Variants in ASAP2 observed in about 807,000 individuals in gnomAD.
ASAP2 encodes the protein arf-GAP with SH3 domain, ANK repeat and PH domain-containing protein 2.
Under a neutral mutation model 131.4 loss-of-function variants are expected in ASAP2, and 45 were observed. The observed-to-expected ratio is 0.34, with a 90% CI of 0.27 to 0.44. ASAP2 has a LOEUF of 0.44. Ranked by LOEUF, ASAP2 falls within the 20% of genes least tolerant of loss-of-function variation. The pLI is 1.00. For synonymous variants in ASAP2, 510 were observed against 503.0 expected (o/e 1.01, Z -0.19); for missense variants, 1,011 against 1,297.0 (o/e 0.78, Z 3.39).
chr2:9,388,752 G>A (rs551345431), intron 22 of ASAP2, among the ~76,000 whole-genome samples: 1 of 152,352 alleles, frequency 6.6e-6, no homozygotes, highest in South Asian at 2.1e-4. Flanking sequence ...ATTCTGGGCA[G>A]AGTTGTGGCA....
At position 9,293,548 on chromosome 2, in the gene ASAP2, G is replaced by A. The variant is rs570455817; in HGVS notation, c.200-3752G>A. On this transcript the variant is annotated intron_variant, in intron 2 of 27. Coordinates refer to ENST00000281419, the MANE Select transcript of ASAP2 (RefSeq NM_003887.3). ...CCCAAGCTATTTATTTTAGGTTCCT[G>A]TTTTAAGGTTGTTTTTGGCAAAAGA... Among the ~76,000 whole-genome samples the A allele has an allele frequency of 1.2e-4, 18 of 152,286 alleles. No individual in the cohort carries two copies. In the South Asian group the frequency reaches 3.7e-3, roughly 32 times the overall value.
chr2:9,290,273 G>A (rs1244888476), intron 2 of ASAP2, among the ~76,000 whole-genome samples: 2 of 152,128 alleles, frequency 1.3e-5, no homozygotes, highest in Admixed American at 6.5e-5. Context: ...ACAGTGGCAC[G>A]ATCTCGGCTC....
At position 9,310,016 on chromosome 2, in the gene ASAP2, C is replaced by A. The variant is rs557521835; in HGVS notation, c.346-8508C>A. Among the ~76,000 whole-genome samples the A allele has an allele frequency of 2.0e-3, 310 of 152,308 alleles. 2 individuals carry two copies. Among genetic ancestry groups the A allele is most frequent in the African/African-American group, 6.4e-3 (268 of 41,578 alleles). ...CAGCACTGGAAGGCTGTTTCACACTCTGATACCCTTGTTAATGCTGCAGCC... is the reference window on the plus strand; with the variant it reads ...CAGCACTGGAAGGCTGTTTCACACTATGATACCCTTGTTAATGCTGCAGCC... On this transcript the variant is annotated intron_variant, in intron 3 of 27. Coordinates refer to ENST00000281419, the MANE Select transcript of ASAP2 (RefSeq NM_003887.3).
intron 3 of ASAP2, among the ~76,000 whole-genome samples, chr2:9,309,061 A>G (rs1669127048): frequency 6.6e-6 from 1 of 152,100 alleles, no homozygotes; most frequent in African/African-American, 2.4e-5. Flanking sequence ...CACTTCCCCC[A>G]GGTCCTCATG....
Position 9,404,488 on chromosome 2 carries a change from C to T in ASAP2, c.*1161C>T, listed in dbSNP as rs1206761167. On this transcript the variant is annotated 3_prime_UTR_variant, in exon 28 of 28. Transcript: ENST00000281419. Reference sequence around the variant, plus strand: ...GTCTATTATAAAACCAAAACTCATTCGTTTAATGAACTTGACTGTCATACC... The same window carrying T: ...GTCTATTATAAAACCAAAACTCATTTGTTTAATGAACTTGACTGTCATACC... 1.3e-5 allele frequency: 2 copies of T among 152,140 alleles called. No individual in the cohort carries two copies. Among genetic ancestry groups the T allele is most frequent in the African/African-American group, 2.4e-5 (1 of 41,408 alleles). The allele number at this position is 152,140 out of a possible 1,614,324, so 9.4% of individuals were successfully genotyped here. A position where few individuals can be genotyped will look rare whatever the true frequency, so the allele number is the denominator to read the frequency against.
At chr2:9,211,891 C>G (rs948883280) in intron 1 of ASAP2, among the ~76,000 whole-genome samples, 15 of 152,230 alleles carry the variant, frequency 9.9e-5, no homozygotes, top group African/African-American at 3.1e-4. Flanking sequence ...ACATCACCTT[C>G]TTGCCCAGAG....
chr2:9,402,701 T>C (rs552228411), intron 27 of ASAP2, among the ~76,000 whole-genome samples: 1 of 152,312 alleles, frequency 6.6e-6, no homozygotes, highest in South Asian at 2.1e-4. Context: ...AAGCCCACCA[T>C]TCATATTTTG....
intron 3 of ASAP2, among the ~76,000 whole-genome samples, chr2:9,317,213 CCA>C (rs778375502): frequency 2.3e-5 from 3 of 133,278 alleles, no homozygotes; most frequent in Admixed American, 7.2e-5. Flanking sequence ...CCACTCACAT[CCA>C]CACTCACACA....
At chr2:9,255,305 G>A (rs1665081148) in intron 1 of ASAP2, among the ~76,000 whole-genome samples, 2 of 152,200 alleles carry the variant, frequency 1.3e-5, no homozygotes, top group Non-Finnish European at 2.9e-5. Context: ...TACCTGAAGG[G>A]CTGTTCAGGA....
intron 1 of ASAP2, among the ~76,000 whole-genome samples, chr2:9,225,496 G>A (rs1442185637): frequency 6.6e-6 from 1 of 152,164 alleles, no homozygotes; most frequent in Non-Finnish European, 1.5e-5. Context: ...TTCCTCTGTG[G>A]TCCCGATTTT....
At chr2:9,290,794 A>G (rs576985768) in intron 2 of ASAP2, among the ~76,000 whole-genome samples, 52 of 152,300 alleles carry the variant, frequency 3.4e-4, no homozygotes, top group African/African-American at 1.2e-3. Flanking sequence ...AAGTTGCAGG[A>G]TCCTGGGCTT....
chr2:9,405,593 A>G lies in ASAP2; in HGVS notation c.*2266A>G, dbSNP rs1677159965. 1 of 152,630 alleles carries G rather than the reference A, an allele frequency of 6.6e-6. No homozygotes were observed. Among genetic ancestry groups the G allele is most frequent in the Admixed American group, 6.5e-5 (1 of 15,282 alleles). The allele number at this position is 152,630 out of a possible 1,614,324, so 9.5% of individuals were successfully genotyped here. A position where few individuals can be genotyped will look rare whatever the true frequency, so the allele number is the denominator to read the frequency against. On this transcript the variant is annotated 3_prime_UTR_variant, in exon 28 of 28. Coordinates refer to ENST00000281419, the MANE Select transcript of ASAP2 (RefSeq NM_003887.3). ...TATTTTCATTGTCCTTAATGCAGTG[A>G]TTTATAATTAGAGCATGTTTAATAA...
intron 11 of ASAP2, among the ~76,000 whole-genome samples, chr2:9,346,105 G>A (rs1488550554): frequency 2.0e-5 from 3 of 152,034 alleles, no homozygotes; most frequent in Middle Eastern, 3.4e-3. Context: ...CTGCCCCCGC[G>A]ACCCCAGGGC....
intron 3 of ASAP2, among the ~76,000 whole-genome samples, chr2:9,308,259 G>A (rs910945474): frequency 6.6e-6 from 1 of 152,226 alleles, no homozygotes; most frequent in Non-Finnish European, 1.5e-5. Flanking sequence ...CATGGCAGAA[G>A]GTGAAGGGGG....
chr2:9,266,865 G>A (rs1010197247), intron 1 of ASAP2, among the ~76,000 whole-genome samples: 5 of 152,146 alleles, frequency 3.3e-5, no homozygotes, highest in South Asian at 2.1e-4. Flanking sequence ...TGAGCTGGCC[G>A]ACCTGCATTC....
Position 9,391,192 on chromosome 2 carries a change from T to A in ASAP2, c.2514T>A (p.Ser838=). ...HPPLPPLRVT[S]TNPLTPTPPP... ...CGCTGCCCCCTCTTCGCGTGACATC[T>A]ACCAGTACGTTTTTTTCCTTTTTCC... The change falls in exon 23 of 28, where the codon TCT becomes TCA. Residue 838 remains serine (S), a synonymous_variant. Transcript: ENST00000281419. 6.2e-7 allele frequency: 1 copy of A among 1,611,728 alleles called. No individual in the cohort carries two copies.
intron 1 of ASAP2, among the ~76,000 whole-genome samples, chr2:9,235,137 T>G (rs760505637): frequency 3.2e-4 from 49 of 152,254 alleles, no homozygotes; most frequent in Middle Eastern, 3.4e-3. Context: ...CCTGTCCTGT[T>G]GTAGGCGGGG....
intron 2 of ASAP2, among the ~76,000 whole-genome samples, chr2:9,295,353 C>T (rs905871140): frequency 9.2e-5 from 14 of 152,262 alleles, no homozygotes; most frequent in African/African-American, 3.1e-4. Context: ...ACATGTCTTA[C>T]GAAGTTTAGA....
At chr2:9,270,101 CTG>C (rs768071434) in intron 1 of ASAP2, among the ~76,000 whole-genome samples, 4 of 152,232 alleles carry the variant, frequency 2.6e-5, no homozygotes, top group Non-Finnish European at 5.9e-5. Flanking sequence ...TAAGTTCACT[CTG>C]TAAAACTTGT....
Sources: allele counts gnomAD v4.1 joint callset (sites outside exome capture counted in the v4.1 genomes callset), GRCh38; gene constraint gnomAD v4.1.1; transcripts MANE v1.5; gene names NCBI Gene and HGNC (gene_info 2026-07-23, HGNC 2026-07-21).